The following GSTO1 variants were observed in gnomAD, a reference collection of about 807,000 sequenced individuals.
GSTO1 encodes the protein glutathione S-transferase omega-1.
A neutral mutation model predicts 23.8 loss-of-function variants in GSTO1; 27 were observed. The ratio of observed to expected loss-of-function variants is 1.13; its 90% CI spans 0.83 to 1.56. The LOEUF is 1.56. Ranked by LOEUF, GSTO1 falls within the 40% of genes most tolerant of loss-of-function variation. The pLI is 0.00. For synonymous variants in GSTO1, 105 were observed against 109.3 expected, an observed-to-expected ratio of 0.96 and a Z score of 0.25; for missense variants, 255 against 285.8, an observed-to-expected ratio of 0.89 and a Z score of 0.78.
chr10:104,263,679 T>A (rs2011156864), intron 4 of GSTO1, among the ~76,000 whole-genome samples: 1 of 152,216 alleles, frequency 6.6e-6, no homozygotes, highest in Admixed American at 6.5e-5. Context: ...GAAGACATAG[T>A]TCCTGTCTTT....
At chr10:104,261,003 C>CA (rs1589845346) in intron 3 of GSTO1, among the ~76,000 whole-genome samples, 2 of 151,618 alleles carry the variant, frequency 1.3e-5, no homozygotes, top group South Asian at 2.1e-4. Flanking sequence ...CAATACCAAC[C>CA]AAAAAAAATA....
intron 4 of GSTO1, among the ~76,000 whole-genome samples, 179 bp from the exon 5 acceptor site, chr10:104,265,905 A>G (rs895151671): frequency 6.6e-6 from 1 of 152,170 alleles, no homozygotes; most frequent in African/African-American, 2.4e-5. Flanking sequence ...GTTTTACTTC[A>G]TCCCAGACCA....
chr10:104,254,808 G>T, upstream of GSTO1: 1 of 957,466 alleles, frequency 1.0e-6, no homozygotes. Context: ...GGCGGCCGCC[G>T]GGGGCAGGCA....
chr10:104,254,609 A>G (rs11191975), upstream of GSTO1: 47,512 of 455,242 alleles, frequency 0.1, 2,894 homozygotes, highest in Middle Eastern at 0.2. Context: ...GGTCAGGGTC[A>G]GACGTGGAGC....
rs1263505296 is a variant in GSTO1 at position 104,267,352 on chromosome 10, T to A, written c.673T>A (p.Phe225Ile). ...LLTSEKDWQG[F>I]LELYLQNSPE... ...TACTAGTGAGAAAGACTGGCAAGGT[T>A]TCCTAGAGCTCTACTTACAGAACAG... Residue 225 changes from phenylalanine to isoleucine, a missense_variant, in exon 6 of 6, where the codon TTC (phenylalanine) becomes ATC (isoleucine). Transcript: ENST00000369713. 2 of 1,613,782 alleles carry A rather than the reference T, an allele frequency of 1.2e-6. No homozygotes were observed. The highest frequency in any genetic ancestry group is 2.7e-5 in the African/African-American group (2 of 74,926).
At position 104,266,128 on chromosome 10, in the gene GSTO1, C is replaced by G; in HGVS notation, c.510C>G (p.Ile170Met). Reference protein sequence around the residue: ...KKTTFFGGNSISMIDYLIWPW... With the variant: ...KKTTFFGGNSMSMIDYLIWPW... ...CGACCTTCTTTGGTGGCAATTCTAT[C>G]TCTATGATTGATTACCTCATCTGGC... The change falls in exon 5 of 6, where the codon ATC becomes ATG. Residue 170 changes from isoleucine (I) to methionine (M), a missense_variant. Transcript: ENST00000369713. 1 of 1,610,996 alleles carries G rather than the reference C, an allele frequency of 6.2e-7. No homozygotes were observed. The highest frequency in any genetic ancestry group is 8.5e-7 in the Non-Finnish European group (1 of 1,177,186).
In GSTO1 at chr10:104,259,937, G is replaced by A. The variant is rs2011125005; in HGVS notation, c.366+139G>A. On this transcript the variant is annotated intron_variant, in intron 3 of 5. Coordinates refer to ENST00000369713, the MANE Select transcript of GSTO1 (RefSeq NM_004832.3). The stretch of plus-strand genomic sequence containing the variant: ...CTTGTCAGCTCTGAGTGTCCTGCAA[G>A]TCCTTTCACGATCCAGTTCCTGTTT... The A allele has an allele frequency of 9.5e-6, 6 of 630,032 alleles. No individual in the cohort carries two copies. In the Admixed American group the frequency reaches 1.4e-4, roughly 15 times the overall value. 39.0% of individuals were successfully genotyped at this position (630,032 alleles called of 1,614,324 possible).
chr10:104,262,864 G>C, intron 3 of GSTO1, 115 bp from the exon 4 acceptor site: 1 of 551,630 alleles, frequency 1.8e-6, no homozygotes, highest in Non-Finnish European at 3.3e-6. Flanking sequence ...ATGCACCCTT[G>C]GTGTTTCTAG....
In GSTO1 at chr10:104,255,238, G is replaced by A. The variant is rs1388272778; in HGVS notation, c.110G>A (p.Arg37Lys). 3 of 1,613,388 alleles carry A rather than the reference G, an allele frequency of 1.9e-6. No individual in the cohort carries two copies. Among genetic ancestry groups the A allele is most frequent in the Non-Finnish European group, 2.5e-6 (3 of 1,179,440 alleles). ...YSMRFCPFAE[R>K]TRLVLKAKGI... The stretch of plus-strand genomic sequence containing the variant: ...ATGAGGTTCTGCCCGTTTGCTGAGA[G>A]GACGCGTCTAGTCCTGAAGGCCAAG... Residue 37 changes from arginine (R) to lysine (K), a missense_variant, in exon 2 of 6, where the codon AGG becomes AAG. Coordinates refer to ENST00000369713, the MANE Select transcript of GSTO1 (RefSeq NM_004832.3).
At position 104,255,262 on chromosome 10, in the gene GSTO1, A is replaced by G. The variant is rs1186845498; in HGVS notation, c.134A>G (p.Lys45Arg). The stretch of plus-strand genomic sequence containing the variant: ...AGGACGCGTCTAGTCCTGAAGGCCA[A>G]GGGAATCAGGTGGGCACCCAGGCGG... ...AERTRLVLKA[K>R]GIRHEVININ... is the part of the protein sequence containing the mutation. Residue 45 changes from lysine to arginine, a missense_variant, in exon 2 of 6, where the codon AAG becomes AGG. By Grantham distance (26) the Lys-to-Arg change is conservative (BLOSUM62 2). Coordinates refer to ENST00000369713, the MANE Select transcript of GSTO1 (RefSeq NM_004832.3). 1.2e-6 allele frequency: 2 copies of G among 1,605,052 alleles called. No individual in the cohort carries two copies. The highest frequency in any genetic ancestry group is 1.7e-5 in the Admixed American group (1 of 59,992).
chr10:104,259,980 T>G (rs1166612909), intron 3 of GSTO1, among the ~76,000 whole-genome samples, 182 bp downstream of exon 3: 1 of 152,174 alleles, frequency 6.6e-6, no homozygotes, highest in African/African-American at 2.4e-5. Flanking sequence ...AAATTATCCC[T>G]TTTCACTCGT....
At chr10:104,254,986 G>C in intron 1 of GSTO1, 24 bp downstream of exon 1, 1 of 1,598,638 alleles carries the variant, frequency 6.3e-7, no homozygotes, top group Non-Finnish European at 8.5e-7. Context: ...GCCGCGAAGA[G>C]GGGGTGATCT....
At position 104,255,170 on chromosome 10, in the gene GSTO1, G is replaced by T. The variant is rs45488299; in HGVS notation, c.42G>T (p.Ala14=). ...ESARSLGKGS[A]PPGPVPEGSI... is the part of the protein sequence containing the mutation. ...TTCGCTTCTCCCCGGCAGGAAGCGC[G>T]CCCCCGGGGCCGGTCCCGGAGGGCT... Residue 14 remains alanine, a synonymous_variant, in exon 2 of 6, where the codon GCG becomes GCT. Coordinates refer to ENST00000369713, the MANE Select transcript of GSTO1 (RefSeq NM_004832.3). 197 of 1,612,262 alleles carry T rather than the reference G, an allele frequency of 1.2e-4. No individual in the cohort carries two copies. Among genetic ancestry groups the T allele is most frequent in the Non-Finnish European group, 1.6e-4 (184 of 1,178,598 alleles).
chr10:104,267,306 T>C lies in GSTO1; in HGVS notation c.627T>C (p.Asp209=). The C allele has an allele frequency of 6.2e-7, 1 of 1,613,334 alleles. No homozygotes were observed. The highest frequency in any genetic ancestry group is 8.5e-7 in the Non-Finnish European group (1 of 1,179,340). ...LKLWMAAMKE[D]PTVSALLTSE... ...TGTGGATGGCAGCCATGAAGGAAGA[T>C]CCCACAGTCTCAGCCCTGCTTACTA... The change falls in exon 6 of 6, where the codon GAT becomes GAC. Residue 209 remains aspartate, a synonymous_variant. Transcript: ENST00000369713.
At chr10:104,262,377 G>A (rs769736925) in intron 3 of GSTO1, among the ~76,000 whole-genome samples, 2 of 152,078 alleles carry the variant, frequency 1.3e-5, no homozygotes, top group Non-Finnish European at 2.9e-5. Flanking sequence ...TGTTTGTTCC[G>A]CCTCCCAATA....
At chr10:104,255,434 T>C (rs1201503379) in intron 2 of GSTO1, among the ~76,000 whole-genome samples, 163 bp downstream of exon 2, 1 of 152,160 alleles carries the variant, frequency 6.6e-6, no homozygotes, top group Non-Finnish European at 1.5e-5. Flanking sequence ...TTATAGGCCA[T>C]TCCCCTAGGA....
At chr10:104,258,370 C>A (rs1304287905) in intron 2 of GSTO1, among the ~76,000 whole-genome samples, 1 of 152,142 alleles carries the variant, frequency 6.6e-6, no homozygotes, top group Non-Finnish European at 1.5e-5. Context: ...AAAGACCAGG[C>A]AACAAGACCA....
At chr10:104,259,880 G>T in intron 3 of GSTO1, 82 bp downstream of exon 3, 1 of 881,808 alleles carries the variant, frequency 1.1e-6, no homozygotes, top group South Asian at 1.5e-5. Context: ...ATGGTTCAGT[G>T]ATTTGGGAGA....
intron 2 of GSTO1, among the ~76,000 whole-genome samples, chr10:104,256,611 C>T (rs2091604047): frequency 6.6e-6 from 1 of 152,080 alleles, no homozygotes; most frequent in African/African-American, 2.4e-5. Context: ...AAGCTTGAGC[C>T]CGAGGAGGCT....
Sources: allele counts gnomAD v4.1 joint callset (sites outside exome capture counted in the v4.1 genomes callset), GRCh38; gene constraint gnomAD v4.1.1; transcripts MANE v1.5; gene names NCBI Gene and HGNC (gene_info 2026-07-23, HGNC 2026-07-21).